RALYL: variants seen among roughly 807,000 people sequenced by gnomAD.
The protein encoded by RALYL is RALY RNA binding protein like.
RALYL carries 29 observed loss-of-function variants against 35.1 expected under a neutral mutation model. That is an observed-to-expected ratio of 0.83 (90% confidence interval 0.61 to 1.13). The LOEUF (loss-of-function observed/expected upper bound fraction) is 1.13, where lower values mean the gene tolerates loss of function less well. RALYL is among the 50% of genes most tolerant of loss of function. RALYL has a pLI of 0.00. For missense variants in RALYL, 359 were observed against 360.4 expected (o/e 1.00, Z 0.03); for synonymous variants, 120 against 127.6 (o/e 0.94, Z 0.40).
intron 4 of RALYL, among the ~76,000 whole-genome samples, chr8:84,831,386 G>T (rs1563699130): frequency 6.6e-6 from 1 of 152,124 alleles, no homozygotes; most frequent in Non-Finnish European, 1.5e-5. Context: ...ATGTCATTTT[G>T]TATGTGTGAA....
At chr8:84,876,966 C>T (rs533474658) in intron 7 of RALYL, among the ~76,000 whole-genome samples, 40 of 152,308 alleles carry the variant, frequency 2.6e-4, no homozygotes, top group Admixed American at 2.6e-3. Context: ...AATCACTCTA[C>T]ACATGGCATG....
chr8:84,443,503 A>G (rs1163241531), intron 1 of RALYL, among the ~76,000 whole-genome samples: 1 of 152,158 alleles, frequency 6.6e-6, no homozygotes, highest in African/African-American at 2.4e-5. Context: ...ATGAACAAGG[A>G]ATCTCATCAC....
At chr8:84,520,686 C>T (rs1027222857) in intron 1 of RALYL, among the ~76,000 whole-genome samples, 6 of 152,156 alleles carry the variant, frequency 3.9e-5, no homozygotes, top group African/African-American at 1.4e-4. Flanking sequence ...GCATTAGATC[C>T]TCATAGAAGT....
At chr8:84,479,829 A>G (rs1008535046) in intron 1 of RALYL, among the ~76,000 whole-genome samples, 1 of 152,160 alleles carries the variant, frequency 6.6e-6, no homozygotes, top group Admixed American at 6.5e-5. Flanking sequence ...CCCAGGGTAG[A>G]TTACAGAATC....
In RALYL at chr8:84,484,058, T is replaced by C. The variant is rs73292046; in HGVS notation, c.-23-45241T>C. ...TCTTTTTTGAAACACTTTCATTGAG[T>C]TGACAGGTTTTCTTGCAATAGATAG... On this transcript the variant is annotated intron_variant, in intron 1 of 8. Transcript: ENST00000521268. 4.1e-3 allele frequency among the ~76,000 whole-genome samples: 620 copies of C among 152,176 alleles called. 5 individuals carry two copies. The highest frequency in any genetic ancestry group is 0.014 in the African/African-American group (575 of 41,532).
At chr8:84,190,625 A>G (rs1203830004) in intron 1 of RALYL, among the ~76,000 whole-genome samples, 3 of 152,224 alleles carry the variant, frequency 2.0e-5, no homozygotes, top group Admixed American at 1.3e-4. Context: ...ATAAAACAAA[A>G]CAAGAGAAAG....
intron 6 of RALYL, among the ~76,000 whole-genome samples, chr8:84,865,685 G>A (rs1415288755): frequency 1.3e-5 from 2 of 152,140 alleles, no homozygotes; most frequent in Non-Finnish European, 2.9e-5. Context: ...AGCTTTAGCT[G>A]TAGTTTCTTA....
chr8:84,524,870 A>T (rs898563035), intron 1 of RALYL, among the ~76,000 whole-genome samples: 1 of 151,756 alleles, frequency 6.6e-6, no homozygotes, highest in Non-Finnish European at 1.5e-5. Context: ...CAGCTACACT[A>T]TTGTATCTTT....
intron 1 of RALYL, among the ~76,000 whole-genome samples, chr8:84,394,155 G>C (rs755179960): frequency 1.3e-5 from 2 of 151,916 alleles, no homozygotes; most frequent in Non-Finnish European, 2.9e-5. Context: ...TTCAAGTGTC[G>C]TTCACTTCCT....
rs2042436885 is a variant in RALYL at position 84,397,258 on chromosome 8, G to A, written c.-23-132041G>A. The stretch of plus-strand genomic sequence containing the variant: ...CTACCTATACCTTAATTTTAGTCCT[G>A]TAAGACTCCTTTCAGACTTCTGACC... On this transcript the variant is annotated intron_variant, in intron 1 of 8. Coordinates refer to ENST00000521268, the MANE Select transcript of RALYL (RefSeq NM_173848.7). 2.0e-5 allele frequency among the ~76,000 whole-genome samples: 3 copies of A among 152,124 alleles called. No individual in the cohort carries two copies. In the South Asian group the frequency reaches 6.2e-4, roughly 32 times the overall value.
intron 7 of RALYL, among the ~76,000 whole-genome samples, chr8:84,880,617 A>G (rs1842016633): frequency 6.6e-6 from 1 of 151,922 alleles, no homozygotes; most frequent in Non-Finnish European, 1.5e-5. Context: ...CATCTCTCAC[A>G]TGTTCTGTTG....
At chr8:84,536,862 C>T (rs1046021534) in intron 2 of RALYL, among the ~76,000 whole-genome samples, 12 of 152,110 alleles carry the variant, frequency 7.9e-5, no homozygotes, top group Non-Finnish European at 1.5e-4. Context: ...TTTAAATATT[C>T]GCTGCAATAA....
chr8:84,443,804 A>T (rs1276395578), intron 1 of RALYL, among the ~76,000 whole-genome samples: 1 of 152,134 alleles, frequency 6.6e-6, no homozygotes, highest in Admixed American at 6.6e-5. Flanking sequence ...GTAGGCATGG[A>T]TATAAAAAAT....
intron 2 of RALYL, among the ~76,000 whole-genome samples, chr8:84,702,877 A>C (rs2047007027): frequency 6.6e-6 from 1 of 152,126 alleles, no homozygotes; most frequent in African/African-American, 2.4e-5. Flanking sequence ...AATTTAAGTA[A>C]AAGAAAAACA....
At chr8:84,239,081 T>C (rs369545073) in intron 1 of RALYL, among the ~76,000 whole-genome samples, 144 of 152,344 alleles carry the variant, frequency 9.5e-4, no homozygotes, top group Middle Eastern at 3.4e-3. Flanking sequence ...TGATGAACTA[T>C]GCTTCAAAAT....
chr8:84,364,964 T>C (rs1158774698), intron 1 of RALYL, among the ~76,000 whole-genome samples: 1 of 152,146 alleles, frequency 6.6e-6, no homozygotes, highest in African/African-American at 2.4e-5. Context: ...TTTTTTTACT[T>C]GCTAAACATC....
intron 2 of RALYL, among the ~76,000 whole-genome samples, chr8:84,568,574 AG>A (rs71273907): frequency 1 from 140,596 of 140,600 alleles, 70,296 homozygotes; most frequent in Middle Eastern, 1. Context: ...CAGTAATGAG[AG>A]TGGCTGGGTC....
chr8:84,342,541 G>A (rs1033406078), intron 1 of RALYL, among the ~76,000 whole-genome samples: 4 of 151,528 alleles, frequency 2.6e-5, no homozygotes, highest in Non-Finnish European at 5.9e-5. Context: ...ACTGAAGTAG[G>A]TGTTTCTTTC....
In RALYL at chr8:84,302,094, G is replaced by T. The variant is rs1211094510; in HGVS notation, c.-24+117670G>T. Among the ~76,000 whole-genome samples the T allele has an allele frequency of 2.0e-5, 3 of 152,122 alleles. No homozygotes were observed. In the South Asian group the frequency reaches 6.2e-4, roughly 31 times the overall value. ...ATAATAGTTGAAATGTGGAGCAATT[G>T]CTGGGCTGTATCAAAGATTATCATA... On this transcript the variant is annotated intron_variant, in intron 1 of 8. Transcript: ENST00000521268.
Sources: allele counts gnomAD v4.1 joint callset (sites outside exome capture counted in the v4.1 genomes callset), GRCh38; gene constraint gnomAD v4.1.1; transcripts MANE v1.5; gene names NCBI Gene and HGNC (gene_info 2026-07-23, HGNC 2026-07-21).